MGMT: variants seen among roughly 807,000 people sequenced by gnomAD.
MGMT encodes the protein methylated-DNA--protein-cysteine methyltransferase.
Under a neutral mutation model 15.9 loss-of-function variants are expected in MGMT, and 14 were observed. The observed-to-expected ratio is 0.88, with a 90% CI of 0.58 to 1.37. MGMT has a LOEUF of 1.37. MGMT is among the 40% of genes most tolerant of loss of function. The probability of loss-of-function intolerance (pLI) is 0.00; values close to 1 mark genes in which losing one functional copy is unlikely to be tolerated. For synonymous variants in MGMT, 130 were observed against 118.2 expected, an observed-to-expected ratio of 1.10 and a Z score of -0.65; for missense variants, 282 against 268.1, an observed-to-expected ratio of 1.05 and a Z score of -0.36.
At chr10:129,467,511 G>C in intron 1 of MGMT, 1 of 843,692 alleles carries the variant, frequency 1.2e-6, no homozygotes, top group Non-Finnish European at 1.4e-6. Flanking sequence ...ACTAGGCTGC[G>C]CTGCAGTGAC....
chr10:129,684,331 A>G (rs1847883180), intron 2 of MGMT, among the ~76,000 whole-genome samples: 2 of 152,326 alleles, frequency 1.3e-5, no homozygotes, highest in African/African-American at 4.8e-5. Flanking sequence ...AGTTTGAAAT[A>G]CGAATTAGTT....
rs749002135 is a variant in MGMT at position 129,566,563 on chromosome 10, G to T, written c.125+30186G>T. On this transcript the variant is annotated intron_variant, in intron 2 of 4. Transcript: ENST00000651593. This position sits in a 1 kb window ranked among gnomAD's most constrained non-coding sequence, Gnocchi z 4.1. ...TCTCTGGAGGGCCCATCATCATCCTGGTGGAGGTGTTGCACTGAGGACCAC... is the reference window on the plus strand; with the variant it reads ...TCTCTGGAGGGCCCATCATCATCCTTGTGGAGGTGTTGCACTGAGGACCAC... 6.6e-6 allele frequency among the ~76,000 whole-genome samples: 1 copy of T among 152,116 alleles called. No individual in the cohort carries two copies. The highest frequency in any genetic ancestry group is 2.4e-5 in the African/African-American group (1 of 41,432).
chr10:129,760,322 C>G (rs765943325), intron 4 of MGMT, among the ~76,000 whole-genome samples: 27 of 152,222 alleles, frequency 1.8e-4, no homozygotes, highest in Non-Finnish European at 2.9e-4. Flanking sequence ...CTCAAGAATG[C>G]CCCTGGAATA....
chr10:129,728,517 C>T (rs1344043117), intron 3 of MGMT, among the ~76,000 whole-genome samples: 3 of 152,118 alleles, frequency 2.0e-5, no homozygotes, highest in African/African-American at 7.2e-5. Flanking sequence ...CTTGTAAATT[C>T]TGCTTGGTCT....
chr10:129,502,402 A>T (rs1313432301), intron 1 of MGMT, among the ~76,000 whole-genome samples: 1 of 152,160 alleles, frequency 6.6e-6, no homozygotes, highest in Non-Finnish European at 1.5e-5. Context: ...GTTCCTACCC[A>T]GCTAGACCTT....
intron 2 of MGMT, among the ~76,000 whole-genome samples, chr10:129,690,613 G>C (rs1847958724): frequency 6.6e-6 from 1 of 152,224 alleles, no homozygotes; most frequent in African/African-American, 2.4e-5. Context: ...TGACCCTCTG[G>C]CCGCAGGAGA....
intron 2 of MGMT, among the ~76,000 whole-genome samples, chr10:129,538,747 T>C (rs565362942): frequency 1.7e-4 from 26 of 152,242 alleles, no homozygotes; most frequent in African/African-American, 5.8e-4. Flanking sequence ...GCAATTCTCC[T>C]GCCTCAGCCT....
At chr10:129,594,201 G>A (rs1222363441) in intron 2 of MGMT, among the ~76,000 whole-genome samples, 4 of 152,162 alleles carry the variant, frequency 2.6e-5, no homozygotes, top group Non-Finnish European at 2.9e-5. Context: ...AGAGGGCGTT[G>A]CAATGACTCA....
intron 2 of MGMT, among the ~76,000 whole-genome samples, chr10:129,543,975 G>C (rs1449197122): frequency 6.6e-6 from 1 of 152,186 alleles, no homozygotes. Context: ...AGGTAAATGG[G>C]TTAACTTCAG....
intron 2 of MGMT, among the ~76,000 whole-genome samples, chr10:129,706,131 C>T (rs1456434312): frequency 2.0e-5 from 3 of 152,234 alleles, no homozygotes; most frequent in African/African-American, 7.2e-5. Context: ...GGACAAAGTG[C>T]CCTTCCCGCC....
chr10:129,670,209 T>G (rs1847706507), intron 2 of MGMT, among the ~76,000 whole-genome samples: 1 of 152,074 alleles, frequency 6.6e-6, no homozygotes, highest in Non-Finnish European at 1.5e-5. Flanking sequence ...TGCTAGTAGG[T>G]AATATAGTAA....
At chr10:129,563,202 A>T (rs942266466) in intron 2 of MGMT, among the ~76,000 whole-genome samples, 1 of 152,228 alleles carries the variant, frequency 6.6e-6, no homozygotes, top group African/African-American at 2.4e-5. Flanking sequence ...TAGCCCCATC[A>T]TAAGTCGAGG....
At chr10:129,745,804 G>C (rs1433172753) in intron 3 of MGMT, among the ~76,000 whole-genome samples, 1 of 151,942 alleles carries the variant, frequency 6.6e-6, no homozygotes, top group East Asian at 1.9e-4. Flanking sequence ...TTTAAGTTAG[G>C]TGGTTTGTTG....
intron 2 of MGMT, among the ~76,000 whole-genome samples, chr10:129,542,747 G>A (rs760941500): frequency 1.3e-5 from 2 of 152,206 alleles, no homozygotes; most frequent in Non-Finnish European, 2.9e-5. Context: ...GAAATCGTCT[G>A]TTTTTCAAAA....
intron 2 of MGMT, among the ~76,000 whole-genome samples, chr10:129,544,638 C>T (rs1451619136): frequency 6.6e-6 from 1 of 152,204 alleles, no homozygotes; most frequent in Non-Finnish European, 1.5e-5. Context: ...GCTGATCAGC[C>T]TCTGTTGCAG....
chr10:129,652,615 G>T (rs543696481), intron 2 of MGMT, among the ~76,000 whole-genome samples: 1 of 152,338 alleles, frequency 6.6e-6, no homozygotes, highest in Admixed American at 6.5e-5. Context: ...ACCTGACACG[G>T]TGCTGTCCCC....
chr10:129,530,504 G>A (rs560197699), intron 1 of MGMT, among the ~76,000 whole-genome samples: 18 of 152,242 alleles, frequency 1.2e-4, no homozygotes, highest in African/African-American at 3.4e-4. Flanking sequence ...TTGGTTAAAC[G>A]TCTCTTGATC....
At chr10:129,572,965 A>G (rs1053187625) in intron 2 of MGMT, among the ~76,000 whole-genome samples, 2 of 152,196 alleles carry the variant, frequency 1.3e-5, no homozygotes, top group East Asian at 1.9e-4. Flanking sequence ...TGTGGAACCT[A>G]TTTATAGACA....
At chr10:129,759,748 C>T (rs55889415) in intron 4 of MGMT, among the ~76,000 whole-genome samples, 17,205 of 152,032 alleles carry the variant, frequency 0.11, 1,104 homozygotes, top group Middle Eastern at 0.18. Context: ...GGTCTACCTG[C>T]GAGGTGCCTG....
Sources: allele counts gnomAD v4.1 joint callset (sites outside exome capture counted in the v4.1 genomes callset), GRCh38; gene constraint gnomAD v4.1.1; non-coding constraint Gnocchi (gnomAD v3.1); transcripts MANE v1.5; gene names NCBI Gene and HGNC (gene_info 2026-07-23, HGNC 2026-07-21).